Variants in DPEP1 observed in about 807,000 individuals in gnomAD.
The protein encoded by DPEP1 is beta-lactamase.
Under a neutral mutation model 42.3 loss-of-function variants are expected in DPEP1, and 50 were observed. The ratio of observed to expected loss-of-function variants is 1.18; its 90% CI spans 0.94 to 1.50. DPEP1 has a LOEUF of 1.50. Ranked by LOEUF, DPEP1 falls within the 40% of genes most tolerant of loss-of-function variation. DPEP1 has a pLI of 0.00. For synonymous variants in DPEP1, 297 were observed against 234.0 expected (o/e 1.27, Z -2.46); for missense variants, 663 against 553.0 (o/e 1.20, Z -1.99).
chr16:89,623,917 T>G (rs948188114), intron 1 of DPEP1, among the ~76,000 whole-genome samples: 1 of 151,882 alleles, frequency 6.6e-6, no homozygotes, highest in Non-Finnish European at 1.5e-5. Context: ...GGCTGAGAAG[T>G]CGTGGCGCTC....
At chr16:89,623,823 A>G (rs1006412885) in intron 1 of DPEP1, among the ~76,000 whole-genome samples, 5 of 152,120 alleles carry the variant, frequency 3.3e-5, no homozygotes, top group African/African-American at 1.2e-4. Flanking sequence ...GGGGAAGAAG[A>G]GGGATACGGG....
intron 1 of DPEP1, among the ~76,000 whole-genome samples, chr16:89,628,258 T>C (rs58333141): frequency 0.06 from 4,364 of 72,342 alleles, 274 homozygotes; most frequent in African/African-American, 0.29. Context: ...TTTTCTTTCT[T>C]TTTTTTTTTT....
At chr16:89,636,988 G>C (rs1243883522) in intron 6 of DPEP1, 53 bp downstream of exon 6, 7 of 1,603,506 alleles carry the variant, frequency 4.4e-6, no homozygotes, top group Non-Finnish European at 6.0e-6. Context: ...AGAGGCCCTG[G>C]AGGGTGACCA....
chr16:89,621,992 C>G (rs2059452182), intron 1 of DPEP1, among the ~76,000 whole-genome samples: 1 of 152,126 alleles, frequency 6.6e-6, no homozygotes. Flanking sequence ...TTCTGGGAGA[C>G]AGAGCTGGGT....
In DPEP1 at chr16:89,630,491, G is replaced by A. The variant is rs1390721806; in HGVS notation, c.81G>A (p.Met27Ile). 4 of 1,603,854 alleles carry A rather than the reference G, an allele frequency of 2.5e-6. No individual in the cohort carries two copies. The highest frequency in any genetic ancestry group is 3.4e-6 in the Non-Finnish European group (4 of 1,175,522). The change falls in exon 2 of 11, where the codon ATG becomes ATA. Residue 27 changes from methionine (M) to isoleucine (I), a missense_variant. Coordinates refer to ENST00000690203, the MANE Select transcript of DPEP1 (RefSeq NM_001389466.1). ...TTCGGGACGAGGCAGAGAGGATCAT[G>A]AGGGACTCCCCTGTCATTGATGGGT... ...DFFRDEAERI[M>I]RDSPVIDGHN...
In DPEP1 at chr16:89,636,047, C is replaced by T. The variant is rs202234965; in HGVS notation, c.237+7C>T. On this transcript the variant is annotated splice_region_variant and intron_variant, in intron 3 of 10. Transcript: ENST00000690203. The stretch of plus-strand genomic sequence containing the variant: ...CGGCTTTGTGGGAGGCCAGGTACCG[C>T]CTGCCCTGCCTTGTGCTTGCCCTGT... The T allele has an allele frequency of 2.1e-5, 33 of 1,602,896 alleles. No individual in the cohort carries two copies. The Admixed American group carries it at 4.1e-4, about 20-fold the overall frequency.
chr16:89,626,307 C>A (rs551324809), intron 1 of DPEP1, among the ~76,000 whole-genome samples: 5 of 152,204 alleles, frequency 3.3e-5, no homozygotes, highest in Non-Finnish European at 7.4e-5. Flanking sequence ...CTCGTGGTAG[C>A]GAGAAAGTTC....
chr16:89,638,099 C>A lies in DPEP1; in HGVS notation c.1113C>A (p.Asp371Glu), dbSNP rs536921565. The A allele has an allele frequency of 1.2e-4, 192 of 1,612,404 alleles. 4 individuals are homozygous for A. In the South Asian group the frequency reaches 2.0e-3, roughly 16 times the overall value. Residue 371 changes from aspartate to glutamate, a missense_variant, in exon 11 of 11, where the codon GAC becomes GAA. By Grantham distance (45) the Asp-to-Glu change is conservative. Coordinates refer to ENST00000690203, the MANE Select transcript of DPEP1 (RefSeq NM_001389466.1). ...CCGAGGAGGAGCCCATCCCGCTGGA[C>A]CAGCTGGGTGGCTCCTGCAGGACCC... ...QAPEEEPIPL[D>E]QLGGSCRTHY...
At chr16:89,623,237 TTG>T (rs2059467438) in intron 1 of DPEP1, among the ~76,000 whole-genome samples, 1 of 152,012 alleles carries the variant, frequency 6.6e-6, no homozygotes, top group Non-Finnish European at 1.5e-5. Flanking sequence ...GGAGGATCGC[TTG>T]AGCCTGGGAG....
chr16:89,615,635 G>A (rs1352255198), intron 1 of DPEP1, among the ~76,000 whole-genome samples: 1 of 152,224 alleles, frequency 6.6e-6, no homozygotes, highest in East Asian at 1.9e-4. Flanking sequence ...TGAGGGAGGA[G>A]CAGCTGGTTC....
chr16:89,623,847 C>T (rs962464692), intron 1 of DPEP1, among the ~76,000 whole-genome samples: 1 of 152,080 alleles, frequency 6.6e-6, no homozygotes, highest in Non-Finnish European at 1.5e-5. Flanking sequence ...CTGGAAATTC[C>T]CTGGACCGGA....
chr16:89,617,560 G>A (rs562542594), intron 1 of DPEP1, among the ~76,000 whole-genome samples: 3 of 95,108 alleles, frequency 3.2e-5, no homozygotes, highest in South Asian at 3.6e-4. Flanking sequence ...AGAAATGCTG[G>A]AAGGCGGCCG....
At chr16:89,636,425 C>G (rs751734044) in intron 4 of DPEP1, 29 bp downstream of exon 4, 1 of 1,602,630 alleles carries the variant, frequency 6.2e-7, no homozygotes, top group Non-Finnish European at 8.5e-7. Flanking sequence ...TCCTCCAGGT[C>G]CTGCGTCTTC....
chr16:89,639,014 A>C (rs1178384558), downstream of DPEP1, among the ~76,000 whole-genome samples: 1 of 15,622 alleles, frequency 6.4e-5, no homozygotes, highest in Non-Finnish European at 1.1e-4. Flanking sequence ...CACACACCGC[A>C]CCCCTGCACG....
At chr16:89,616,276 G>C (rs1465531229) in intron 1 of DPEP1, among the ~76,000 whole-genome samples, 1 of 152,104 alleles carries the variant, frequency 6.6e-6, no homozygotes, top group Non-Finnish European at 1.5e-5. Context: ...GGAGAGGCTG[G>C]GACCTGTGCC....
chr16:89,618,855 C>G (rs1419890554), intron 1 of DPEP1, among the ~76,000 whole-genome samples: 3 of 151,926 alleles, frequency 2.0e-5, no homozygotes, highest in African/African-American at 7.3e-5. Flanking sequence ...TTTTATTTTG[C>G]TCTTTACGTA....
chr16:89,637,736 A>T, intron 9 of DPEP1, 29 bp downstream of exon 9: 1 of 1,612,860 alleles, frequency 6.2e-7, no homozygotes. Context: ...TGTCCTGTGG[A>T]TGAGCCGGGA....
rs761391477 is a variant in DPEP1 at position 89,630,477 on chromosome 16, G to A, written c.67G>A (p.Ala23Thr). ...VCTADFFRDE[A>T]ERIMRDSPVI... Reference sequence around the variant, plus strand: ...CACTGCAGACTTCTTTCGGGACGAGGCAGAGAGGATCATGAGGGACTCCCC... The same window carrying A: ...CACTGCAGACTTCTTTCGGGACGAGACAGAGAGGATCATGAGGGACTCCCC... Residue 23 changes from alanine (A) to threonine (T), a missense_variant, in exon 2 of 11, where the codon GCA (alanine) becomes ACA (threonine). Ala to Thr is a moderately conservative substitution (Grantham distance 58). Coordinates refer to ENST00000690203, the MANE Select transcript of DPEP1 (RefSeq NM_001389466.1). The A allele has an allele frequency of 1.2e-6, 2 of 1,609,368 alleles. No homozygotes were observed. The highest frequency in any genetic ancestry group is 2.2e-5 in the East Asian group (1 of 44,668).
intron 2 of DPEP1, 135 bp from the exon 3 acceptor site, chr16:89,635,773 C>T (rs1271530427): frequency 8.0e-6 from 10 of 1,253,456 alleles, no homozygotes; most frequent in African/African-American, 3.0e-5. Flanking sequence ...ATGTCACCCC[C>T]GCGGCCTAGA....
Sources: gnomAD v4.1 joint callset for allele counts (sites outside exome capture counted in the v4.1 genomes callset) on GRCh38, gnomAD v4.1.1 for gene constraint, MANE v1.5 for transcripts, NCBI Gene and HGNC (gene_info 2026-07-23, HGNC 2026-07-21) for gene names.